SLC39A12: variants seen among roughly 807,000 people sequenced by gnomAD.
The protein encoded by SLC39A12 is zinc transporter ZIP12.
In SLC39A12, 63 loss-of-function variants were observed where a neutral mutation model predicts 71.1. That is an observed-to-expected ratio of 0.89 (90% CI 0.72 to 1.09). SLC39A12 has a LOEUF of 1.09. Among genes scored for constraint, SLC39A12 ranks in the 50% least tolerant of loss-of-function variants. The pLI, the probability that SLC39A12 is intolerant of heterozygous loss-of-function variation, is 0.00. For missense variants in SLC39A12, 892 were observed against 812.6 expected (o/e 1.10, Z -1.19); for synonymous variants, 351 against 301.3 (o/e 1.16, Z -1.71).
chr10:17,977,660 G>C (rs1267252160), intron 4 of SLC39A12, among the ~76,000 whole-genome samples: 1 of 152,092 alleles, frequency 6.6e-6, no homozygotes, highest in Non-Finnish European at 1.5e-5. Flanking sequence ...AATGCCTCCA[G>C]GGAATAATTT....
At chr10:17,998,908 T>C (rs1835755905) in intron 10 of SLC39A12, among the ~76,000 whole-genome samples, 2 of 152,324 alleles carry the variant, frequency 1.3e-5, no homozygotes, top group South Asian at 4.1e-4. Context: ...CCAGGAAGTA[T>C]CCTCTTTCTA....
chr10:18,039,592 G>C (rs1341183647), intron 12 of SLC39A12, among the ~76,000 whole-genome samples: 2 of 152,072 alleles, frequency 1.3e-5, no homozygotes, highest in Non-Finnish European at 2.9e-5. Flanking sequence ...GCTGGGTAGG[G>C]TAGTATGCAC....
intron 12 of SLC39A12, among the ~76,000 whole-genome samples, chr10:18,011,368 C>T (rs1836217110): frequency 6.6e-6 from 1 of 152,238 alleles, no homozygotes; most frequent in African/African-American, 2.4e-5. Flanking sequence ...GGATTACAGG[C>T]ATGAGCCACT....
intron 12 of SLC39A12, among the ~76,000 whole-genome samples, chr10:18,040,765 A>G (rs551814795): frequency 1.4e-5 from 2 of 138,902 alleles, no homozygotes; most frequent in East Asian, 2.2e-4. Context: ...GTGAAACTCC[A>G]TCTCAAAAAA....
chr10:17,959,538 A>G (rs1834633011), intron 2 of SLC39A12, among the ~76,000 whole-genome samples: 1 of 152,156 alleles, frequency 6.6e-6, no homozygotes, highest in African/African-American at 2.4e-5. Flanking sequence ...AGAAGACTAG[A>G]TTAAAAGATA....
At chr10:17,986,475 C>G (rs1835400687) in intron 6 of SLC39A12, among the ~76,000 whole-genome samples, 2 of 152,270 alleles carry the variant, frequency 1.3e-5, no homozygotes, top group South Asian at 4.1e-4. Context: ...GTTCCTGGTT[C>G]ATGGACTGGT....
At position 18,042,793 on chromosome 10, in the gene SLC39A12, T is replaced by C; in HGVS notation, c.2036T>C (p.Leu679Pro). The C allele has an allele frequency of 6.2e-7, 1 of 1,613,282 alleles. No individual in the cohort carries two copies. Among genetic ancestry groups the C allele is most frequent in the South Asian group, 1.1e-5 (1 of 90,974 alleles). Residue 679 changes from leucine (L) to proline (P), a missense_variant, in exon 13 of 13, where the codon CTC (leucine) becomes CCC (proline). Coordinates refer to ENST00000377369, the MANE Select transcript of SLC39A12 (RefSeq NM_001145195.2). ...GGATTGATCCTAGGTTGGCTTTCTC[T>C]CCTGCTCTTGGCTATATATGAGCAA... The part of the protein sequence containing the change: ...NFGLILGWLS[L>P]LLLAIYEQNI...
intron 7 of SLC39A12, among the ~76,000 whole-genome samples, chr10:17,990,199 G>C (rs1835507469): frequency 6.6e-6 from 1 of 151,812 alleles, no homozygotes; most frequent in African/African-American, 2.4e-5. Flanking sequence ...GTATTAGGTG[G>C]GTATCCTTAA....
At chr10:17,984,118 C>T (rs1187098981) in intron 6 of SLC39A12, among the ~76,000 whole-genome samples, 1 of 152,206 alleles carries the variant, frequency 6.6e-6, no homozygotes. Context: ...TAATGGGAAA[C>T]TTTAGAACCT....
At chr10:18,016,969 C>T (rs1233119858) in intron 12 of SLC39A12, among the ~76,000 whole-genome samples, 1 of 152,018 alleles carries the variant, frequency 6.6e-6, no homozygotes, top group African/African-American at 2.4e-5. Flanking sequence ...CATGTTTTCC[C>T]CAAGTCTGTG....
intron 10 of SLC39A12, 106 bp from the exon 11 acceptor site, chr10:18,000,561 A>C (rs996078324): frequency 2.0e-6 from 2 of 1,023,368 alleles, no homozygotes; most frequent in South Asian, 3.0e-5. Flanking sequence ...ATCAGATGGA[A>C]TATAAGAATG....
At chr10:18,024,010 G>T (rs1359246866) in intron 12 of SLC39A12, among the ~76,000 whole-genome samples, 2 of 152,164 alleles carry the variant, frequency 1.3e-5, no homozygotes, top group African/African-American at 4.8e-5. Flanking sequence ...CAGAAGGGGT[G>T]GGGGCTGCAG....
At chr10:17,988,477 G>A (rs926068232) in intron 7 of SLC39A12, among the ~76,000 whole-genome samples, 1 of 152,128 alleles carries the variant, frequency 6.6e-6, no homozygotes, top group Admixed American at 6.5e-5. Flanking sequence ...AGAAGCAAAT[G>A]CTGACACCAT....
At chr10:17,992,088 C>CAAAAAAAAAAAAAAAAA (rs59014549) in intron 8 of SLC39A12, among the ~76,000 whole-genome samples, 19 of 87,218 alleles carry the variant, frequency 2.2e-4, no homozygotes, top group East Asian at 3.3e-4. Context: ...GACTCCATCT[C>CAAAAAAAAAAAAAAAAA]AAAAAAAAAA....
chr10:17,990,245 ATTGGT>A (rs1180847950), intron 7 of SLC39A12, among the ~76,000 whole-genome samples: 1 of 152,132 alleles, frequency 6.6e-6, no homozygotes, highest in African/African-American at 2.4e-5. Context: ...ACTAACATAT[ATTGGT>A]TTTTAGTGAT....
At chr10:18,003,559 C>T (rs1027305428) in intron 12 of SLC39A12, among the ~76,000 whole-genome samples, 4 of 152,156 alleles carry the variant, frequency 2.6e-5, no homozygotes, top group Admixed American at 6.5e-5. Flanking sequence ...AAAATACTGA[C>T]ATTTTCTGTA....
intron 7 of SLC39A12, among the ~76,000 whole-genome samples, chr10:17,989,632 A>G (rs1835491086): frequency 6.6e-6 from 1 of 152,038 alleles, no homozygotes; most frequent in Admixed American, 6.6e-5. Context: ...AAGGAAAGAG[A>G]CAAGAGCCGG....
chr10:17,953,504 G>A lies in SLC39A12; in HGVS notation c.228G>A (p.Arg76=). Residue 76 remains arginine, a synonymous_variant, in exon 2 of 13, where the codon CGG becomes CGA. Transcript: ENST00000377369. The part of the protein sequence containing the change: ...KTLLEKTGCP[R]RRNGMQGDCN... ...TGTTGGAGAAAACTGGGTGCCCACG[G>A]AGGAGAAACGGAATGCAAGGAGATT... The A allele has an allele frequency of 6.2e-7, 1 of 1,614,166 alleles. No homozygotes were observed. Among genetic ancestry groups the A allele is most frequent in the East Asian group, 2.2e-5 (1 of 44,872 alleles).
chr10:17,956,031 T>C (rs1056298349), intron 2 of SLC39A12, among the ~76,000 whole-genome samples: 15 of 152,206 alleles, frequency 9.9e-5, no homozygotes, highest in Non-Finnish European at 1.9e-4. Context: ...GCTGGGATAA[T>C]GAGCCCCTCC....
Sources: gnomAD v4.1 joint callset for allele counts (sites outside exome capture counted in the v4.1 genomes callset) on GRCh38, gnomAD v4.1.1 for gene constraint, MANE v1.5 for transcripts, NCBI Gene and HGNC (gene_info 2026-07-23, HGNC 2026-07-21) for gene names.